The following DENND5A variants were observed in gnomAD, a reference collection of about 807,000 sequenced individuals.
The protein encoded by DENND5A is DENN domain-containing protein 5A.
Under a neutral mutation model 140.3 loss-of-function variants are expected in DENND5A, and 64 were observed. The ratio of observed to expected loss-of-function variants is 0.46; its 90% CI spans 0.37 to 0.56. The LOEUF (loss-of-function observed/expected upper bound fraction) is 0.56, where lower values mean the gene tolerates loss of function less well. DENND5A is among the 20% of genes least tolerant of loss of function. DENND5A has a pLI of 0.00. For missense variants in DENND5A, 1,292 were observed against 1,593.8 expected (o/e 0.81, Z 3.22); for synonymous variants, 605 against 607.7 (o/e 1.00, Z 0.07).
intron 1 of DENND5A, among the ~76,000 whole-genome samples, chr11:9,259,439 G>A (rs535338883): frequency 1.2e-4 from 18 of 151,796 alleles, no homozygotes; most frequent in African/African-American, 2.4e-4. Flanking sequence ...GGTGGTGGGC[G>A]CCTGTAGTCC....
intron 1 of DENND5A, among the ~76,000 whole-genome samples, chr11:9,211,984 T>C (rs532978811): frequency 1.4e-5 from 2 of 147,822 alleles, no homozygotes; most frequent in African/African-American, 5.0e-5. Flanking sequence ...TACAATGCAG[T>C]GGGCTGGCTT....
At chr11:9,261,430 T>C (rs1852193122) in intron 1 of DENND5A, among the ~76,000 whole-genome samples, 1 of 152,050 alleles carries the variant, frequency 6.6e-6, no homozygotes, top group Admixed American at 6.6e-5. Context: ...GGAGAGAAAA[T>C]GCACCCTGGA....
chr11:9,213,244 A>C (rs1446855656), intron 1 of DENND5A, among the ~76,000 whole-genome samples: 1 of 151,708 alleles, frequency 6.6e-6, no homozygotes, highest in Non-Finnish European at 1.5e-5. Flanking sequence ...GACCGCAGGC[A>C]ATCCACCCGC....
intron 1 of DENND5A, among the ~76,000 whole-genome samples, chr11:9,217,407 G>A (rs1320131260): frequency 1.3e-5 from 2 of 151,950 alleles, no homozygotes; most frequent in Non-Finnish European, 2.9e-5. Context: ...CCAGCTACTC[G>A]AGAAGCTGAG....
chr11:9,142,886 C>G (rs1188990307), intron 20 of DENND5A, 41 bp from the exon 21 acceptor site: 2 of 1,607,220 alleles, frequency 1.2e-6, no homozygotes, highest in African/African-American at 2.7e-5. Context: ...CTTGTCTCAG[C>G]CGAGCTGCCC....
At chr11:9,196,850 A>G (rs1849346736) in intron 4 of DENND5A, among the ~76,000 whole-genome samples, 1 of 151,782 alleles carries the variant, frequency 6.6e-6, no homozygotes, top group Admixed American at 6.6e-5. Context: ...ATCTCAAGTG[A>G]TCTGTCCTCC....
chr11:9,140,226 G>A (rs1182300781), intron 22 of DENND5A: 2 of 1,314,978 alleles, frequency 1.5e-6, no homozygotes, highest in Non-Finnish European at 9.9e-7. Context: ...ACTGACATAA[G>A]AGATTTAATC....
intron 21 of DENND5A, 90 bp from the exon 22 acceptor site, chr11:9,142,198 TC>T: frequency 9.7e-7 from 1 of 1,032,894 alleles, no homozygotes; most frequent in Non-Finnish European, 1.4e-6. Flanking sequence ...CCTCTCCAAG[TC>T]CACACAGGTA....
At chr11:9,189,568 A>G (rs1235406075) in intron 5 of DENND5A, among the ~76,000 whole-genome samples, 1 of 151,106 alleles carries the variant, frequency 6.6e-6, no homozygotes, top group Non-Finnish European at 1.5e-5. Context: ...ACAGGGGTGG[A>G]GCAGCCCAAG....
At chr11:9,158,095 T>C (rs1847869294) in intron 12 of DENND5A, among the ~76,000 whole-genome samples, 2 of 152,176 alleles carry the variant, frequency 1.3e-5, no homozygotes, top group Admixed American at 1.3e-4. Context: ...AAGAGATTGA[T>C]TAAAGTATGG....
intron 4 of DENND5A, among the ~76,000 whole-genome samples, chr11:9,198,860 C>G (rs1039274062): frequency 6.6e-6 from 1 of 150,596 alleles, no homozygotes; most frequent in African/African-American, 2.4e-5. Context: ...CACCTGAGAT[C>G]AGGAGTTCGA....
At chr11:9,215,538 CA>C (rs1403046870) in intron 1 of DENND5A, among the ~76,000 whole-genome samples, 2 of 146,534 alleles carry the variant, frequency 1.4e-5, no homozygotes, top group African/African-American at 2.5e-5. Context: ...CTAAGAAACC[CA>C]ATCCTGTGTT....
At chr11:9,167,402 C>T (rs2136151911) in intron 10 of DENND5A, among the ~76,000 whole-genome samples, 1 of 150,354 alleles carries the variant, frequency 6.7e-6, no homozygotes, top group South Asian at 2.1e-4. Flanking sequence ...TACACATTTA[C>T]ACACCAAACT....
chr11:9,257,315 T>C (rs1851987653), intron 1 of DENND5A, among the ~76,000 whole-genome samples: 1 of 150,552 alleles, frequency 6.6e-6, no homozygotes. Flanking sequence ...TCTTTAAATA[T>C]GAAATTATAA....
At chr11:9,200,517 A>C (rs1471169225) in intron 4 of DENND5A, among the ~76,000 whole-genome samples, 1 of 152,256 alleles carries the variant, frequency 6.6e-6, no homozygotes, top group East Asian at 1.9e-4. Flanking sequence ...ATATTTAAAA[A>C]TCAGAGATTT....
At chr11:9,236,943 G>C (rs900832432) in intron 1 of DENND5A, among the ~76,000 whole-genome samples, 1 of 151,792 alleles carries the variant, frequency 6.6e-6, no homozygotes, top group African/African-American at 2.4e-5. Flanking sequence ...AATATATTTA[G>C]AACACATACA....
chr11:9,155,981 T>C (rs2136131651), intron 12 of DENND5A, among the ~76,000 whole-genome samples: 1 of 152,280 alleles, frequency 6.6e-6, no homozygotes, highest in South Asian at 2.1e-4. Flanking sequence ...GGGCGGTTGC[T>C]TAGGAAGGTA....
chr11:9,220,555 A>G (rs1310765662), intron 1 of DENND5A, among the ~76,000 whole-genome samples: 1 of 151,674 alleles, frequency 6.6e-6, no homozygotes, highest in African/African-American at 2.4e-5. Flanking sequence ...CTCAAAAATA[A>G]TAATAATAAT....
intron 16 of DENND5A, among the ~76,000 whole-genome samples, chr11:9,146,019 A>T (rs1590205242): frequency 6.6e-6 from 1 of 152,156 alleles, no homozygotes; most frequent in East Asian, 1.9e-4. Flanking sequence ...CCCCTCCTCA[A>T]TTTCACTCCT....
Sources: gnomAD v4.1 joint callset for allele counts (sites outside exome capture counted in the v4.1 genomes callset) on GRCh38, gnomAD v4.1.1 for gene constraint, MANE v1.5 for transcripts, NCBI Gene and HGNC (gene_info 2026-07-23, HGNC 2026-07-21) for gene names.